Variants in TTC3 observed in about 807,000 individuals in gnomAD.
TTC3 encodes tetratricopeptide repeat domain 3, also known as E3 ubiquitin-protein ligase TTC3.
A neutral mutation model predicts 249.6 loss-of-function variants in TTC3; 180 were observed. The observed-to-expected ratio is 0.72, with a 90% CI of 0.64 to 0.82. TTC3 has a LOEUF of 0.82. TTC3 is among the 40% of genes least tolerant of loss of function. TTC3 has a pLI of 0.00. For synonymous variants in TTC3, 717 were observed against 805.0 expected (o/e 0.89, Z 1.85); for missense variants, 2,061 against 2,398.4 (o/e 0.86, Z 2.94).
At chr21:37,101,918 T>TTATATA (rs61552508) in intron 10 of TTC3, among the ~76,000 whole-genome samples, 104 of 147,386 alleles carry the variant, frequency 7.1e-4, no homozygotes, top group Middle Eastern at 3.6e-3. Flanking sequence ...AGTATATAGT[T>TTATATA]TATATATATA....
At chr21:37,128,251 C>G (rs1229173395) in intron 15 of TTC3, among the ~76,000 whole-genome samples, 1 of 152,168 alleles carries the variant, frequency 6.6e-6, no homozygotes, top group African/African-American at 2.4e-5. Flanking sequence ...CCTGCCATAC[C>G]AGTTCTTCTA....
At chr21:37,182,582 T>C (rs138901892) in intron 35 of TTC3, among the ~76,000 whole-genome samples, 192 bp from the exon 36 acceptor site, 4 of 152,324 alleles carry the variant, frequency 2.6e-5, no homozygotes, top group Admixed American at 2.6e-4. Context: ...AGGATGTGGC[T>C]GTCTGGTGTG....
At chr21:37,153,360 A>G (rs900194535) in intron 27 of TTC3, 83 bp downstream of exon 27, 11 of 1,241,320 alleles carry the variant, frequency 8.9e-6, no homozygotes, top group African/African-American at 1.5e-5. Flanking sequence ...TTTTCCTGCC[A>G]TATAATTTAT....
intron 10 of TTC3, chr21:37,096,944 G>T (rs7277583): frequency 5.6e-4 from 131 of 232,298 alleles, no homozygotes; most frequent in Non-Finnish European, 9.3e-4. Flanking sequence ...CATGACCAAA[G>T]TGTACCACTA....
intron 16 of TTC3, 86 bp downstream of exon 16, chr21:37,129,149 G>C (rs1338840694): frequency 2.3e-6 from 2 of 866,648 alleles, no homozygotes; most frequent in East Asian, 5.7e-5. Flanking sequence ...TCGAGTATTA[G>C]CTACTTTAAT....
At chr21:37,116,899 G>T (rs1418611326) in intron 11 of TTC3, among the ~76,000 whole-genome samples, 3 of 151,934 alleles carry the variant, frequency 2.0e-5, no homozygotes, top group Admixed American at 1.3e-4. Context: ...TTCATTCCTG[G>T]TTTTACGTAA....
chr21:37,166,030 AG>A lies in TTC3; in HGVS notation c.3820del (p.Val1274SerfsTer30). ...AAGTTTCTGAGGATGGGCAACCCAAAGGGGTCTCTTCTAATTCTCCTAAACC... is the reference window on the plus strand; with the variant it reads ...AAGTTTCTGAGGATGGGCAACCCAAAGGGTCTCTTCTAATTCTCCTAAACC... On this transcript the variant is annotated frameshift_variant, in exon 33 of 46. Transcript: ENST00000355666. LOFTEE classifies it high-confidence loss of function. 6.2e-7 allele frequency: 1 copy of A among 1,614,204 alleles called. No individual in the cohort carries two copies. Among genetic ancestry groups the A allele is most frequent in the Non-Finnish European group, 8.5e-7 (1 of 1,180,032 alleles).
intron 10 of TTC3, among the ~76,000 whole-genome samples, chr21:37,104,401 C>T (rs2074843823): frequency 6.6e-6 from 1 of 151,918 alleles, no homozygotes; most frequent in Admixed American, 6.5e-5. Flanking sequence ...ACCAGCCTGG[C>T]CAACATGGTG....
chr21:37,126,582 G>A lies in TTC3; in HGVS notation c.1297+439G>A, dbSNP rs149484194. Among the ~76,000 whole-genome samples the A allele has an allele frequency of 8.5e-5, 13 of 152,180 alleles. 1 individual carries two copies. The highest frequency in any genetic ancestry group is 2.6e-4 in the African/African-American group (11 of 41,530). On this transcript the variant is annotated intron_variant, in intron 15 of 45. Transcript: ENST00000355666. ...TTTATGTATAAAAGGAATTGATTTT[G>A]TCTCCCAATAACTAATTTTCACCCT...
exon 15 of TTC3, chr21:37,126,116 T>A (rs2077028786): frequency 1.2e-6 from 2 of 1,612,190 alleles, no homozygotes. Context: ...TGATTGTGAC[T>A]GTCATCCTGA....
intron 27 of TTC3, among the ~76,000 whole-genome samples, chr21:37,155,081 A>G (rs1253751163): frequency 6.6e-6 from 1 of 152,190 alleles, no homozygotes; most frequent in African/African-American, 2.4e-5. Context: ...TTTTTATTTA[A>G]AGTTGTGAAA....
At chr21:37,123,811 T>C (rs905397852) in intron 13 of TTC3, among the ~76,000 whole-genome samples, 2 of 151,752 alleles carry the variant, frequency 1.3e-5, no homozygotes, top group African/African-American at 2.4e-5. Flanking sequence ...TGCGGTGTTA[T>C]GATGTCGGCT....
chr21:37,079,792 C>T (rs1224696743), intron 1 of TTC3, among the ~76,000 whole-genome samples: 8 of 151,904 alleles, frequency 5.3e-5, no homozygotes, highest in Non-Finnish European at 1.5e-5. Flanking sequence ...CCTCGGCCTC[C>T]CAAAGTGCTA....
intron 6 of TTC3, chr21:37,090,674 C>T (rs2073152144): frequency 3.4e-6 from 1 of 295,984 alleles, no homozygotes. Flanking sequence ...ATGCCATAAA[C>T]ATCTATGTTT....
At chr21:37,190,384 T>C (rs1232075808) in intron 39 of TTC3, among the ~76,000 whole-genome samples, 1 of 151,548 alleles carries the variant, frequency 6.6e-6, no homozygotes, top group African/African-American at 2.4e-5. Flanking sequence ...TCCGCCTGCC[T>C]AGGCCTCCCA....
intron 24 of TTC3, 87 bp from the exon 25 acceptor site, chr21:37,150,733 G>A: frequency 1.2e-6 from 1 of 861,712 alleles, no homozygotes; most frequent in Non-Finnish European, 2.0e-6. Context: ...CATTATGTGT[G>A]CTTCTGAAAT....
chr21:37,194,040 A>G (rs1006480083), intron 41 of TTC3: 1 of 152,098 alleles, frequency 6.6e-6, no homozygotes, highest in African/African-American at 2.4e-5. Flanking sequence ...CAGAGAACAC[A>G]CTCCTTTCAT....
chr21:37,135,259 T>G, intron 17 of TTC3, 121 bp from the exon 18 acceptor site: 2 of 1,065,292 alleles, frequency 1.9e-6, no homozygotes, highest in Non-Finnish European at 2.7e-6. Flanking sequence ...TAAGGGTAGT[T>G]TGGGTATTGA....
At chr21:37,172,123 A>G (rs2081856684) in intron 34 of TTC3, among the ~76,000 whole-genome samples, 1 of 152,242 alleles carries the variant, frequency 6.6e-6, no homozygotes, top group African/African-American at 2.4e-5. Context: ...ACTGACAATA[A>G]TTCATAGATA....
Sources: allele counts gnomAD v4.1 joint callset (sites outside exome capture counted in the v4.1 genomes callset), GRCh38; gene constraint gnomAD v4.1.1; transcripts MANE v1.5; gene names NCBI Gene and HGNC (gene_info 2026-07-23, HGNC 2026-07-21).